RYR1: variants seen among roughly 807,000 people sequenced by gnomAD.
The protein encoded by RYR1 is central core disease of muscle.
A neutral mutation model predicts 583.5 loss-of-function variants in RYR1; 342 were observed. That is an observed-to-expected ratio of 0.59 (90% CI 0.54 to 0.64). The LOEUF (loss-of-function observed/expected upper bound fraction) is 0.64. RYR1 is among the 30% of genes least tolerant of loss of function. The probability of loss-of-function intolerance (pLI) is 0.00; values close to 1 mark genes in which losing one functional copy is unlikely to be tolerated. For synonymous variants in RYR1, 2,791 were observed against 2,822.5 expected, an observed-to-expected ratio of 0.99 and a Z score of 0.35; for missense variants, 6,032 against 6,917.2, an observed-to-expected ratio of 0.87 and a Z score of 4.54.
intron 39 of RYR1, among the ~76,000 whole-genome samples, chr19:38,495,677 A>G (rs916483559): frequency 6.6e-6 from 1 of 152,066 alleles, no homozygotes; most frequent in South Asian, 2.1e-4. Context: ...CATGGCAAAG[A>G]TCTCTGCCCT....
At chr19:38,551,025 C>CTTCT (rs1972642152) in intron 89 of RYR1, among the ~76,000 whole-genome samples, 2 of 41,312 alleles carry the variant, frequency 4.8e-5, no homozygotes, top group African/African-American at 1.7e-4. Flanking sequence ...GGATTCACGG[C>CTTCT]TTTTTTTTTT....
At chr19:38,523,525 A>G in intron 69 of RYR1, 1 of 567,256 alleles carries the variant, frequency 1.8e-6, no homozygotes, top group Non-Finnish European at 3.1e-6. Context: ...CCTCCTCTCC[A>G]TCTCCCTCTT....
At chr19:38,584,125 G>T (rs1330654262) in intron 101 of RYR1, among the ~76,000 whole-genome samples, 1 of 151,856 alleles carries the variant, frequency 6.6e-6, no homozygotes, top group Non-Finnish European at 1.5e-5. Flanking sequence ...ACCTAGGCTG[G>T]ATCAGATGCC....
chr19:38,565,417 G>C lies in RYR1; in HGVS notation c.13083G>C (p.Ser4361=). 1.3e-6 allele frequency: 2 copies of C among 1,483,240 alleles called. No individual in the cohort carries two copies. Among genetic ancestry groups the C allele is most frequent in the Non-Finnish European group, 1.8e-6 (2 of 1,123,572 alleles). 91.9% of individuals were successfully genotyped at this position (1,483,240 alleles called of 1,614,324 possible). The change falls in exon 91 of 106, where the codon TCG becomes TCC. Residue 4361 remains serine, a synonymous_variant. Transcript: ENST00000359596. This position sits in a 1 kb window ranked among gnomAD's most constrained non-coding sequence, Gnocchi z 4.7. ...AAGALGLLWG[S]LFGGGLVEGA... is the part of the protein sequence containing the mutation. ...GCGCGCTGGGCCTGCTCTGGGGCTC[G>C]CTGTTCGGCGGCGGCCTGGTGGAGG...
chr19:38,485,280 C>G (rs1425916148), intron 33 of RYR1, among the ~76,000 whole-genome samples: 1 of 152,092 alleles, frequency 6.6e-6, no homozygotes, highest in Admixed American at 6.6e-5. Context: ...TAGGGACTTC[C>G]AGAACCATTG....
intron 11 of RYR1, among the ~76,000 whole-genome samples, chr19:38,450,107 G>T (rs1778530447): frequency 6.6e-6 from 1 of 152,178 alleles, no homozygotes; most frequent in South Asian, 2.1e-4. Flanking sequence ...CCTGACGCAG[G>T]ATCACAGAAT....
rs73933018 is a variant in RYR1 at position 38,546,537 on chromosome 19, A to G, written c.12094+11A>G. 5.8e-3 allele frequency: 9,412 copies of G among 1,609,702 alleles called. 438 individuals are homozygous for G. In the African/African-American group the frequency reaches 0.11, roughly 19 times the overall value. On this transcript the variant is annotated intron_variant, in intron 88 of 105. Transcript: ENST00000359596. ...TGTCGCTACTAGAAGGTAAACACCC[A>G]GGAGTGAGGGTGAGGGAACAGTAAA...
Position 38,492,539 on chromosome 19 carries a change from G to C in RYR1, c.6177G>C (p.Leu2059=), listed in dbSNP as rs374092732. ...EEEEPEEETT[L]GSRLMSLLEK... ...AGGAACCAGAGGAAGAGACCACCCT[G>C]GGCAGCCGCCTCATGAGCCTGTTGG... The change falls in exon 38 of 106, where the codon CTG becomes CTC. Residue 2059 remains leucine (L), a synonymous_variant. Transcript: ENST00000359596. 6.2e-7 allele frequency: 1 copy of C among 1,614,084 alleles called. No homozygotes were observed. The highest frequency in any genetic ancestry group is 8.5e-7 in the Non-Finnish European group (1 of 1,179,974).
chr19:38,439,610 G>A (rs748050241), intron 1 of RYR1, among the ~76,000 whole-genome samples: 7 of 152,110 alleles, frequency 4.6e-5, no homozygotes, highest in Non-Finnish European at 1.0e-4. Context: ...GGGTTCAGGC[G>A]ATTCTCCTGG....
chr19:38,532,122 C>CTTT lies in RYR1; in HGVS notation c.11142-353_11142-351dup, dbSNP rs552357645. Among the ~76,000 whole-genome samples, 579 of 138,728 alleles carry CTTT rather than the reference C, an allele frequency of 4.2e-3. 5 individuals are homozygous for CTTT. Among genetic ancestry groups the CTTT allele is most frequent in the African/African-American group, 0.015 (560 of 37,086 alleles). The allele number at this position is 138,728 out of a possible 152,430, so 91.0% of individuals were successfully genotyped here. ...GGCCCTCCAAAGAAAACCAGAAGCT[C>CTTT]TTTTTTTTTTTTTTTTTGAGATGGA... On this transcript the variant is annotated intron_variant, in intron 76 of 105. Transcript: ENST00000359596.
chr19:38,448,791 G>T lies in RYR1; in HGVS notation c.1100G>T (p.Arg367Leu), dbSNP rs113332073. The T allele has an allele frequency of 4.3e-6, 7 of 1,613,938 alleles. No homozygotes were observed. Among genetic ancestry groups the T allele is most frequent in the Non-Finnish European group, 5.9e-6 (7 of 1,180,040 alleles). ...GCTGCTCCAGACCCCAAGGCCCTGCGGCTCGGCGTGCTCAAGAAGAAGGTG... is the reference window on the plus strand; with the variant it reads ...GCTGCTCCAGACCCCAAGGCCCTGCTGCTCGGCGTGCTCAAGAAGAAGGTG... ...TYAAPDPKALRLGVLKKKAML... is the reference protein window; with the variant it reads ...TYAAPDPKALLLGVLKKKAML... The change falls in exon 11 of 106, where the codon CGG becomes CTG. Residue 367 changes from arginine (R) to leucine (L), a missense_variant. Coordinates refer to ENST00000359596, the MANE Select transcript of RYR1 (RefSeq NM_000540.3).
At chr19:38,544,399 C>T (rs1486845249) in intron 87 of RYR1, among the ~76,000 whole-genome samples, 1 of 152,154 alleles carries the variant, frequency 6.6e-6, no homozygotes, top group South Asian at 2.1e-4. Context: ...CAATGTCTCA[C>T]GAACACTTAA....
chr19:38,436,072 C>G (rs1052027305), intron 1 of RYR1, among the ~76,000 whole-genome samples: 2 of 151,892 alleles, frequency 1.3e-5, no homozygotes, highest in Non-Finnish European at 2.9e-5. Context: ...CCAAGCCGAG[C>G]TAATTTTTTG....
Position 38,499,930 on chromosome 19 carries a change from G to A in RYR1, c.7237G>A (p.Glu2413Lys), listed in dbSNP as rs1555783458. The change falls in exon 45 of 106, where the codon GAA (glutamate) becomes AAA (lysine). Residue 2413 changes from glutamate (E) to lysine (K), a missense_variant. By Grantham distance (56) the Glu-to-Lys change is moderately conservative. Around this residue, in one of 11 missense-constraint regions of RYR1, gnomAD observed 2,627 missense variants for 2,961.3 expected, o/e 0.89. Transcript: ENST00000359596. This position sits in a 1 kb window ranked among gnomAD's most constrained non-coding sequence, Gnocchi z 7.3. ...CAGCTTTGGTGAGGAACCGCCTGAA[G>A]AAAACCGGGTGCACCTGGGACACGC... Reference protein sequence around the residue: ...REHFGEEPPEENRVHLGHAIM... With the variant: ...REHFGEEPPEKNRVHLGHAIM... 2.5e-6 allele frequency: 4 copies of A among 1,613,670 alleles called. No individual in the cohort carries two copies. In the African/African-American group the frequency reaches 4.0e-5, roughly 16 times the overall value.
chr19:38,529,224 G>C (rs1356884166), intron 76 of RYR1, among the ~76,000 whole-genome samples, 167 bp downstream of exon 76: 2 of 152,228 alleles, frequency 1.3e-5, no homozygotes, highest in Non-Finnish European at 2.9e-5. Flanking sequence ...GCTCACGCCT[G>C]TAGTCCCAGC....
intron 70 of RYR1, among the ~76,000 whole-genome samples, chr19:38,524,874 A>C (rs577802791): frequency 3.7e-4 from 56 of 151,820 alleles, no homozygotes; most frequent in Non-Finnish European, 7.2e-4. Context: ...TGGGGTTCCT[A>C]GGGGATTCTG....
chr19:38,490,719 G>T lies in RYR1; in HGVS notation c.6114G>T (p.Leu2038=), dbSNP rs373751867. The T allele has an allele frequency of 1.9e-6, 3 of 1,611,166 alleles. No homozygotes were observed. The highest frequency in any genetic ancestry group is 2.5e-6 in the Non-Finnish European group (3 of 1,177,230). The change falls in exon 37 of 106, where the codon CTG becomes CTT. Residue 2038 remains leucine, a synonymous_variant. Coordinates refer to ENST00000359596, the MANE Select transcript of RYR1 (RefSeq NM_000540.3). ...ATTTGCTTGACTTTCATCAAGACCT[G>T]CTGGCACACTGTGGTAAGGAGTGGG... ...RQDLLDFHQD[L]LAHCGIQLDG...
chr19:38,489,075 A>G lies in RYR1; in HGVS notation c.5548-102A>G, dbSNP rs1054371239. 22 of 1,006,814 alleles carry G rather than the reference A, an allele frequency of 2.2e-5. No individual in the cohort carries two copies. The Admixed American group carries it at 3.5e-4, about 16-fold the overall frequency. The allele number at this position is 1,006,814 out of a possible 1,614,324, so 62.4% of individuals were successfully genotyped here. Reference sequence around the variant, plus strand: ...AGGAATCGGATCAGCCAATGCAGGAATGATTGGCATGTGCATGAGGGGCAG... The same window carrying G: ...AGGAATCGGATCAGCCAATGCAGGAGTGATTGGCATGTGCATGAGGGGCAG... On this transcript the variant is annotated intron_variant, in intron 34 of 105. Transcript: ENST00000359596.
chr19:38,485,721 AC>A lies in RYR1; in HGVS notation c.5068del (p.Gln1690LysfsTer82). ...RVAHALCSHV[D>X]QAQLLHALED... The stretch of plus-strand genomic sequence containing the variant: ...GCGCACGCTCTGTGCAGCCACGTAG[AC>A]CAAGCTCAGCTGCTGCACGCCCTGG... On this transcript the variant is annotated frameshift_variant, in exon 34 of 106. Coordinates refer to ENST00000359596, the MANE Select transcript of RYR1 (RefSeq NM_000540.3). LOFTEE classifies it high-confidence loss of function. 6.2e-7 allele frequency: 1 copy of A among 1,612,470 alleles called. No individual in the cohort carries two copies.
Sources: allele counts gnomAD v4.1 joint callset (sites outside exome capture counted in the v4.1 genomes callset), GRCh38; gene constraint gnomAD v4.1.1; regional missense constraint gnomAD v4.1.1; non-coding constraint Gnocchi (gnomAD v3.1); transcripts MANE v1.5; gene names NCBI Gene and HGNC (gene_info 2026-07-23, HGNC 2026-07-21).